Variants in TRHDE observed in about 807,000 individuals in gnomAD.
The protein encoded by TRHDE is thyrotropin releasing hormone degrading enzyme.
TRHDE carries 72 observed loss-of-function variants against 125.7 expected under a neutral mutation model. That is an observed-to-expected ratio of 0.57 (90% CI 0.47 to 0.70). The LOEUF (loss-of-function observed/expected upper bound fraction) is 0.70, where lower values mean the gene tolerates loss of function less well. TRHDE is among the 30% of genes least tolerant of loss of function. The pLI is 0.00. For synonymous variants in TRHDE, 509 were observed against 509.1 expected (o/e 1.00, Z 0.00); for missense variants, 1,110 against 1,327.1 (o/e 0.84, Z 2.54).
chr12:72,382,418 G>T (rs1872228803), intron 3 of TRHDE, among the ~76,000 whole-genome samples: 1 of 152,014 alleles, frequency 6.6e-6, no homozygotes, highest in South Asian at 2.1e-4. Context: ...AGGATTCTGG[G>T]AATGGAGGGA....
chr12:72,546,394 A>C (rs1031063381), intron 7 of TRHDE, among the ~76,000 whole-genome samples: 1 of 151,506 alleles, frequency 6.6e-6, no homozygotes, highest in Non-Finnish European at 1.5e-5. Flanking sequence ...CCTCTCAAAG[A>C]CTTTGTAATT....
intron 2 of TRHDE, among the ~76,000 whole-genome samples, chr12:72,242,440 C>T (rs941204871): frequency 6.6e-6 from 1 of 152,144 alleles, no homozygotes; most frequent in African/African-American, 2.4e-5. Context: ...GACCACCGCT[C>T]CTCTGCTCAG....
chr12:72,636,315 G>A (rs1003272253), intron 15 of TRHDE, among the ~76,000 whole-genome samples: 10 of 150,808 alleles, frequency 6.6e-5, no homozygotes, highest in South Asian at 2.1e-4. Context: ...GTCTGTTGTT[G>A]TTGTATAAGA....
rs192190534 is a variant in TRHDE, at chr12:72,650,398, G to A, written c.2676-1924G>A. 2.8e-3 allele frequency among the ~76,000 whole-genome samples: 426 copies of A among 152,180 alleles called. 2 individuals carry two copies. Among genetic ancestry groups the A allele is most frequent in the Admixed American group, 5.7e-3 (87 of 15,266 alleles). ...TTTTTACTGGTAACTGTCATATATGGCACCAGTATAGTATGTGGCACTCAA... is the reference window on the plus strand; with the variant it reads ...TTTTTACTGGTAACTGTCATATATGACACCAGTATAGTATGTGGCACTCAA... On this transcript the variant is annotated intron_variant, in intron 15 of 18. Transcript: ENST00000261180.
chr12:72,322,568 C>G (rs1869144018), intron 2 of TRHDE, among the ~76,000 whole-genome samples: 1 of 150,850 alleles, frequency 6.6e-6, no homozygotes, highest in African/African-American at 2.4e-5. Flanking sequence ...AAAAATGCGA[C>G]CAGAAGCTCA....
At chr12:72,531,556 C>G (rs1198649835) in intron 6 of TRHDE, among the ~76,000 whole-genome samples, 1 of 151,846 alleles carries the variant, frequency 6.6e-6, no homozygotes, top group Non-Finnish European at 1.5e-5. Context: ...TAAAGATGTG[C>G]TTTTTTTCAT....
At position 72,669,074 on chromosome 12, in the gene TRHDE, GT is replaced by G. The variant is rs1316830569; in HGVS notation, c.*5883del. ...TTTACATTAGCATGTTGTGTAGTGG[GT>G]TTTAAGTTATAACAGGTAATTAACA... On this transcript the variant is annotated 3_prime_UTR_variant, in exon 19 of 19. Transcript: ENST00000261180. The G allele has an allele frequency of 4.6e-5, 7 of 151,648 alleles. No individual in the cohort carries two copies. The highest frequency in any genetic ancestry group is 1.0e-4 in the Non-Finnish European group (7 of 67,796). 9.4% of individuals were successfully genotyped at this position (151,648 alleles called of 1,614,324 possible).
chr12:72,543,419 A>G (rs1869252885), intron 7 of TRHDE, among the ~76,000 whole-genome samples: 1 of 151,472 alleles, frequency 6.6e-6, no homozygotes, highest in African/African-American at 2.4e-5. Context: ...AGCTCTTTCC[A>G]TTAGGGACAC....
intron 2 of TRHDE, chr12:72,167,655 G>GT (rs1279271576): frequency 3.3e-5 from 5 of 152,208 alleles, no homozygotes; most frequent in Non-Finnish European, 7.3e-5. Context: ...ATGACAGCAT[G>GT]TAAGTAACAC....
intron 2 of TRHDE, among the ~76,000 whole-genome samples, chr12:72,193,280 GT>G (rs956388720): frequency 7.2e-4 from 106 of 147,418 alleles, no homozygotes; most frequent in Non-Finnish European, 9.8e-4. Flanking sequence ...GCCTCAAAAA[GT>G]TTTTTTTTTT....
chr12:72,420,620 G>T (rs976690911), intron 3 of TRHDE, among the ~76,000 whole-genome samples: 1 of 152,046 alleles, frequency 6.6e-6, no homozygotes, highest in African/African-American at 2.4e-5. Context: ...AAGCTAAGGG[G>T]ATTAAATTAC....
rs756648122 is a variant in TRHDE at position 72,562,853 on chromosome 12, G to C, written c.1855G>C (p.Ala619Pro). 1.9e-6 allele frequency: 3 copies of C among 1,544,940 alleles called. No homozygotes were observed. The highest frequency in any genetic ancestry group is 1.3e-5 in the South Asian group (1 of 78,648). ...AATTTGTACATTTTTCCTTGTGAAG[G>C]CTTTAAAAAGAAATGGGAAATATGT... Reference protein sequence around the residue: ...RNDLWNTLSEALKRNGKYVNI... With the variant: ...RNDLWNTLSEPLKRNGKYVNI... The change falls in exon 9 of 19, where the codon GCT (alanine) becomes CCT (proline). Residue 619 changes from alanine (A) to proline (P), a missense_variant and splice_region_variant. By Grantham distance (27) the Ala-to-Pro change is conservative. Around this residue, in one of 5 missense-constraint regions of TRHDE, gnomAD observed 527 missense variants for 651.8 expected, o/e 0.81. Transcript: ENST00000261180.
At chr12:72,309,461 G>T (rs1451563696) in intron 2 of TRHDE, among the ~76,000 whole-genome samples, 2 of 151,972 alleles carry the variant, frequency 1.3e-5, no homozygotes, top group African/African-American at 4.8e-5. Context: ...AGATGAGAGG[G>T]GCTGGGGTAA....
intron 18 of TRHDE, among the ~76,000 whole-genome samples, chr12:72,657,937 A>T (rs1445270988): frequency 6.6e-6 from 1 of 152,186 alleles, no homozygotes; most frequent in Non-Finnish European, 1.5e-5. Context: ...AGAATGCCTA[A>T]TGCTGTGCCC....
chr12:72,562,382 T>C (rs1020984905), intron 8 of TRHDE, 152 bp downstream of exon 8: 5 of 455,580 alleles, frequency 1.1e-5, no homozygotes, highest in Middle Eastern at 6.4e-4. Context: ...TTATATAATA[T>C]ATTGTAAAAT....
At chr12:72,504,299 A>C (rs1279527073) in intron 6 of TRHDE, among the ~76,000 whole-genome samples, 1 of 151,336 alleles carries the variant, frequency 6.6e-6, no homozygotes, top group Non-Finnish European at 1.5e-5. Flanking sequence ...CTTTCTCACT[A>C]AGAAAATTTT....
In TRHDE at chr12:72,208,973, A is replaced by T. The variant is rs117128402; in HGVS notation, n.279+103221A>T. On this transcript the variant is annotated intron_variant and non_coding_transcript_variant, in intron 2 of 4. Coordinates refer to the TRHDE transcript ENST00000548156. The stretch of plus-strand genomic sequence containing the variant: ...TATGATTTCACTAGGCTCCTATGCC[A>T]TAGATAATCCCTGCCTTTCTGCGGC... Among the ~76,000 whole-genome samples, 109 of 152,264 alleles carry T rather than the reference A, an allele frequency of 7.2e-4. 1 individual carries two copies. The East Asian group carries it at 0.017, about 23-fold the overall frequency.
At chr12:72,200,382 A>G (rs1877534078) in intron 2 of TRHDE, among the ~76,000 whole-genome samples, 1 of 152,202 alleles carries the variant, frequency 6.6e-6, no homozygotes, top group Non-Finnish European at 1.5e-5. Flanking sequence ...AGTCTATCAT[A>G]AGAGGGCTCC....
intron 2 of TRHDE, among the ~76,000 whole-genome samples, chr12:72,239,891 C>G (rs986345118): frequency 2.0e-5 from 3 of 152,060 alleles, no homozygotes; most frequent in African/African-American, 7.2e-5. Flanking sequence ...AGAAAATGAA[C>G]TTTGTCTGTC....
Sources: gnomAD v4.1 joint callset for allele counts (sites outside exome capture counted in the v4.1 genomes callset) on GRCh38, gnomAD v4.1.1 for gene constraint, gnomAD v4.1.1 regional missense constraint, MANE v1.5 for transcripts, NCBI Gene and HGNC (gene_info 2026-07-23, HGNC 2026-07-21) for gene names.